The following TTN variants were observed in gnomAD, a reference collection of about 807,000 sequenced individuals.
TTN encodes the protein titin.
TTN carries 1,525 observed loss-of-function variants against 3,223.0 expected under a neutral mutation model. The observed-to-expected ratio is 0.47, with a 90% CI of 0.45 to 0.49. TTN has a LOEUF of 0.49. TTN is among the 20% of genes least tolerant of loss of function. The pLI, the probability that TTN is intolerant of heterozygous loss-of-function variation, is 0.00. For missense variants in TTN, 40,786 were observed against 43,424.0 expected, an observed-to-expected ratio of 0.94 and a Z score of 5.40; for synonymous variants, 14,094 against 15,161.0, an observed-to-expected ratio of 0.93 and a Z score of 5.17.
rs1458593107 is a variant in TTN at position 178,704,863 on chromosome 2, A to T, written c.29694+14T>A. 2 of 1,611,676 alleles carry T rather than the reference A, an allele frequency of 1.2e-6. No individual in the cohort carries two copies. The highest frequency in any genetic ancestry group is 1.7e-6 in the Non-Finnish European group (2 of 1,179,272). ...ATAACTTGTTCATTTTATTATCAAC[A>T]TAATTCTTTTTACCTCTGTCTGTGA... is the stretch of plus-strand genomic sequence containing the variant. On this transcript the variant is annotated intron_variant, in intron 104 of 362. Transcript: ENST00000589042.
chr2:178,664,207 A>T, intron 168 of TTN, 109 bp from the exon 169 acceptor site: 1 of 1,078,090 alleles, frequency 9.3e-7, no homozygotes. Context: ...AGCTGAGATC[A>T]GTGGTAACAA....
In TTN at chr2:178,534,218, T is replaced by C; in HGVS notation, c.102397A>G (p.Ile34133Val). 6.2e-7 allele frequency: 1 copy of C among 1,613,960 alleles called. No homozygotes were observed. The highest frequency in any genetic ancestry group is 8.5e-7 in the Non-Finnish European group (1 of 1,179,852). The part of the protein sequence containing the change: ...VSVAKVKVAS[I>V]EIGPVSGQIM... Reference sequence around the variant, plus strand: ...TGCCCAGAAACTGGGCCAATTTCAATGGATGCCACTTTAACTTTAGCAACA... The same window carrying C: ...TGCCCAGAAACTGGGCCAATTTCAACGGATGCCACTTTAACTTTAGCAACA... Residue 34133 changes from isoleucine to valine, a missense_variant, in exon 358 of 363, where the codon ATT (isoleucine) becomes GTT (valine). By Grantham distance (29) the Ile-to-Val change is conservative. Transcript: ENST00000589042.
chr2:178,543,164 C>T lies in TTN; in HGVS notation c.96809G>A (p.Gly32270Asp). Residue 32270 changes from glycine to aspartate, a missense_variant, in exon 347 of 363, where the codon GGT (glycine) becomes GAT (aspartate). Physicochemically the swap from Gly to Asp is moderately conservative, Grantham distance 94. Coordinates refer to ENST00000589042, the MANE Select transcript of TTN (RefSeq NM_001267550.2). ...LEHTVTSLNE[G>D]EQYLFRIRAQ... ...CCTTATTCTAAATAAGTATTGTTCA[C>T]CTTCATTTAAGGAAGTAACAGTGTG... 1 of 1,613,324 alleles carries T rather than the reference C, an allele frequency of 6.2e-7. No homozygotes were observed. Among genetic ancestry groups the T allele is most frequent in the South Asian group, 1.1e-5 (1 of 91,058 alleles).
chr2:178,746,517 C>A, intron 47 of TTN: 1 of 1,613,190 alleles, frequency 6.2e-7, no homozygotes, highest in Non-Finnish European at 8.5e-7. Context: ...TGTTCCAAAT[C>A]AAACTCCATG....
At chr2:178,688,876 C>T (rs2071570375) in intron 125 of TTN, 98 bp from the exon 126 acceptor site, 3 of 1,140,348 alleles carry the variant, frequency 2.6e-6, no homozygotes, top group Non-Finnish European at 2.6e-6. Flanking sequence ...ACCACTTTGA[C>T]TAGCAAAATG....
chr2:178,744,586 A>C, intron 47 of TTN: 1 of 920,402 alleles, frequency 1.1e-6, no homozygotes, highest in Non-Finnish European at 1.3e-6. Context: ...ATTCGTTTTA[A>C]AGATGAAATT....
At position 178,599,543 on chromosome 2, in the gene TTN, G is replaced by A; in HGVS notation, c.56347+11C>T. ...AAACAAGTAATTTTAACCAAACCAT[G>A]CAGTCTTTACCCAGGACATTCAGTC... On this transcript the variant is annotated intron_variant, in intron 289 of 362. Transcript: ENST00000589042. 3 of 1,537,096 alleles carry A rather than the reference G, an allele frequency of 2.0e-6. No homozygotes were observed. Among genetic ancestry groups the A allele is most frequent in the East Asian group, 2.3e-5 (1 of 43,890 alleles).
At position 178,539,213 on chromosome 2, in the gene TTN, C is replaced by T. The variant is rs267599023; in HGVS notation, c.98722G>A (p.Asp32908Asn). The change falls in exon 353 of 363, where the codon GAT (aspartate) becomes AAT (asparagine). Residue 32908 changes from aspartate (D) to asparagine (N), a missense_variant. By Grantham distance (23) the Asp-to-Asn change is conservative. Transcript: ENST00000589042. Reference protein sequence around the residue: ...EPPSNPPEVLDVTKSSVSLSW... With the variant: ...EPPSNPPEVLNVTKSSVSLSW... ...AAGCTAACAGAACTCTTGGTTACAT[C>T]GAGTACTTCTGGAGGATTGCTTGGA... 14 of 1,613,668 alleles carry T rather than the reference C, an allele frequency of 8.7e-6. No homozygotes were observed. Among genetic ancestry groups the T allele is most frequent in the South Asian group, 6.6e-5 (6 of 91,066 alleles).
In TTN at chr2:178,784,240, T is replaced by A. The variant is rs370962244; in HGVS notation, c.2605A>T (p.Thr869Ser). 3.2e-5 allele frequency: 51 copies of A among 1,614,148 alleles called. No homozygotes were observed. Among genetic ancestry groups the A allele is most frequent in the South Asian group, 4.4e-5 (4 of 91,076 alleles). Reference protein sequence around the residue: ...VKAPTVKPSETRVRAEPTPLP... With the variant: ...VKAPTVKPSESRVRAEPTPLP... ...GGTGTGGGCTCTGCCCTTACTCTAG[T>A]CTCACTGGGCTTCACAGTAGGAGCC... The change falls in exon 16 of 363, where the codon ACT becomes TCT. Residue 869 changes from threonine (T) to serine (S), a missense_variant. Transcript: ENST00000589042.
At position 178,725,641 on chromosome 2, in the gene TTN, T is replaced by C; in HGVS notation, c.20563A>G (p.Arg6855Gly). Residue 6855 changes from arginine to glycine, a missense_variant, in exon 71 of 363, where the codon AGA (arginine) becomes GGA (glycine). By Grantham distance (125) the Arg-to-Gly change is moderately radical (BLOSUM62 -2). Coordinates refer to ENST00000589042, the MANE Select transcript of TTN (RefSeq NM_001267550.2). ...AGGCTGTTCAGTTTGGAGACAAATC[T>C]TGGTGGTTCTGAACAGGAAAAGATG... ...VCTVKLKEPP[R>G]FVSKLNSLTV... 6.3e-7 allele frequency: 1 copy of C among 1,581,254 alleles called. No individual in the cohort carries two copies. Among genetic ancestry groups the C allele is most frequent in the Non-Finnish European group, 8.6e-7 (1 of 1,162,512 alleles).
rs1455118621 is a variant in TTN, at chr2:178,528,530, G to A, written c.107221C>T (p.Pro35741Ser). Residue 35741 changes from proline to serine, a missense_variant and splice_region_variant, in exon 360 of 363, where the codon CCA becomes TCA. By Grantham distance (74) the Pro-to-Ser change is moderately conservative (BLOSUM62 -1). Coordinates refer to ENST00000589042, the MANE Select transcript of TTN (RefSeq NM_001267550.2). The stretch of plus-strand genomic sequence containing the variant: ...AATATATTCATAATTAAACTTACTG[G>A]CAGGTTGTTTTTAAACCATTCGATT... ...PEIEWFKNNL[P>S]ISISSNVSIS... 2 of 1,603,354 alleles carry A rather than the reference G, an allele frequency of 1.2e-6. No homozygotes were observed. Among genetic ancestry groups the A allele is most frequent in the Non-Finnish European group, 1.7e-6 (2 of 1,173,588 alleles).
Position 178,593,608 on chromosome 2 carries a change from A to C in TTN, c.58692T>G (p.Asp19564Glu), listed in dbSNP as rs1236959839. Residue 19564 changes from aspartate (D) to glutamate (E), a missense_variant, in exon 298 of 363, where the codon GAT becomes GAG. Asp to Glu is a conservative substitution (Grantham distance 45). Coordinates refer to ENST00000589042, the MANE Select transcript of TTN (RefSeq NM_001267550.2). ...IHAENLYGIS[D>E]PLVSDSMKAK... The stretch of plus-strand genomic sequence containing the variant: ...CTTTCATTGAATCAGACACCAGAGG[A>C]TCACTTATTCCATACAGATTTTCAG... The C allele has an allele frequency of 3.7e-6, 6 of 1,612,756 alleles. No individual in the cohort carries two copies. Among genetic ancestry groups the C allele is most frequent in the East Asian group, 4.5e-5 (2 of 44,612 alleles).
At position 178,770,194 on chromosome 2, in the gene TTN, G is replaced by A. The variant is rs1310170063; in HGVS notation, c.8507C>T (p.Pro2836Leu). ...TGAGACCAGTCTGTGTTTGTCACTT[G>A]GCTTAATTTCCACACTCTTATGGAA... is the stretch of plus-strand genomic sequence containing the variant. ...KWFHKSVEIKPSDKHRLVSER... is the reference protein window; with the variant it reads ...KWFHKSVEIKLSDKHRLVSER... The change falls in exon 36 of 363, where the codon CCA becomes CTA. Residue 2836 changes from proline (P) to leucine (L), a missense_variant. Transcript: ENST00000589042. 6.2e-7 allele frequency: 1 copy of A among 1,614,084 alleles called. No individual in the cohort carries two copies. The highest frequency in any genetic ancestry group is 1.1e-5 in the South Asian group (1 of 91,072).
intron 78 of TTN, 90 bp from the exon 79 acceptor site, chr2:178,721,292 T>G: frequency 1.8e-6 from 2 of 1,136,938 alleles, no homozygotes; most frequent in Non-Finnish European, 2.3e-6. Flanking sequence ...CATAAATTTA[T>G]ATTTAAACTG....
rs1575554132 is a variant in TTN at position 178,555,144 on chromosome 2, C to T, written c.88315G>A (p.Val29439Ile). The change falls in exon 331 of 363, where the codon GTA (valine) becomes ATA (isoleucine). Residue 29439 changes from valine to isoleucine, a missense_variant. Transcript: ENST00000589042. ...GTATATTCTAGAGGCAAATCAATTA[C>T]AGGACCACCTGCAAGAAAAACAGAT... is the stretch of plus-strand genomic sequence containing the variant. The part of the protein sequence containing the change: ...ITCIDSYGGP[V>I]IDLPLEYTEV... The T allele has an allele frequency of 3.7e-6, 6 of 1,603,952 alleles. No individual in the cohort carries two copies. The highest frequency in any genetic ancestry group is 4.5e-5 in the East Asian group (2 of 44,782).
In TTN at chr2:178,552,978, A is replaced by G; in HGVS notation, c.89922T>C (p.Asp29974=). The part of the protein sequence containing the change: ...PIINYVIEKR[D]ATKRTWSVVS... Reference sequence around the variant, plus strand: ...CGACAGACCATGTTCTCTTGGTGGCATCTCTCTTTTCAATGACATAATTAA... The same window carrying G: ...CGACAGACCATGTTCTCTTGGTGGCGTCTCTCTTTTCAATGACATAATTAA... Residue 29974 remains aspartate (D), a synonymous_variant, in exon 335 of 363, where the codon GAT becomes GAC. Coordinates refer to ENST00000589042, the MANE Select transcript of TTN (RefSeq NM_001267550.2). 1 of 1,612,618 alleles carries G rather than the reference A, an allele frequency of 6.2e-7. No homozygotes were observed. Among genetic ancestry groups the G allele is most frequent in the Non-Finnish European group, 8.5e-7 (1 of 1,179,798 alleles).
Position 178,712,024 on chromosome 2 carries a change from A to G in TTN, c.27806T>C (p.Ile9269Thr), listed in dbSNP as rs2076732210. ...VATLVFNQVD[I>T]NDSGEYICKA... ...GCAGATATATTCTCCACTATCATTA[A>G]TATCAACCTGGTTGAAAACCAGTGT... Residue 9269 changes from isoleucine to threonine, a missense_variant, in exon 96 of 363, where the codon ATT becomes ACT. By Grantham distance (89) the Ile-to-Thr change is moderately conservative. Coordinates refer to ENST00000589042, the MANE Select transcript of TTN (RefSeq NM_001267550.2). 6.2e-7 allele frequency: 1 copy of G among 1,613,732 alleles called. No individual in the cohort carries two copies. Among genetic ancestry groups the G allele is most frequent in the Admixed American group, 1.7e-5 (1 of 59,988 alleles).
Position 178,630,250 on chromosome 2 carries a change from G to A in TTN, c.44272C>T (p.Arg14758Ter), listed in dbSNP as rs140743001. The A allele has an allele frequency of 8.7e-6, 14 of 1,612,770 alleles. No homozygotes were observed. Among genetic ancestry groups the A allele is most frequent in the Admixed American group, 3.3e-5 (2 of 59,944 alleles). Reference protein sequence around the residue: ...AANVKSSAHLRVKPRVIGLLR... With the variant: ...AANVKSSAHL ...AATATACAATACTTACGCTTAACTCGGAGGTGGGCACTAGATTTAACATTG... is the reference window on the plus strand; with the variant it reads ...AATATACAATACTTACGCTTAACTCAGAGGTGGGCACTAGATTTAACATTG... Residue 14758 changes from arginine to a stop codon, truncating the protein, a stop_gained, in exon 239 of 363, where the codon CGA becomes TGA. Transcript: ENST00000589042. LOFTEE classifies it high-confidence loss of function.
At chr2:178,696,653 C>A (rs976709998) in intron 113 of TTN, among the ~76,000 whole-genome samples, 40 of 152,044 alleles carry the variant, frequency 2.6e-4, no homozygotes, top group African/African-American at 9.2e-4. Context: ...TTAAAAAGTT[C>A]TGATTATTAT....
Sources: allele counts gnomAD v4.1 joint callset (sites outside exome capture counted in the v4.1 genomes callset), GRCh38; gene constraint gnomAD v4.1.1; transcripts MANE v1.5; gene names NCBI Gene and HGNC (gene_info 2026-07-23, HGNC 2026-07-21).